The following ENTHD1 variants were observed in gnomAD, a reference collection of about 807,000 sequenced individuals.
ENTHD1 encodes the protein ENTH domain-containing protein 1.
ENTHD1 carries 23 observed loss-of-function variants against 39.1 expected under a neutral mutation model. The observed-to-expected ratio is 0.59, with a 90% CI of 0.42 to 0.83. ENTHD1 has a LOEUF of 0.83. Ranked by LOEUF, ENTHD1 falls within the 40% of genes least tolerant of loss-of-function variation. ENTHD1 has a pLI of 0.00. For missense variants in ENTHD1, 624 were observed against 705.4 expected, an observed-to-expected ratio of 0.88 and a Z score of 1.31; for synonymous variants, 230 against 258.2, an observed-to-expected ratio of 0.89 and a Z score of 1.05.
At chr22:39,873,949 AAAAG>A (rs1340250766) in intron 2 of ENTHD1, among the ~76,000 whole-genome samples, 1 of 152,236 alleles carries the variant, frequency 6.6e-6, no homozygotes, top group African/African-American at 2.4e-5. Flanking sequence ...GGCAATTTAC[AAAAG>A]AAAGAGGTTT....
At chr22:39,889,467 A>G (rs576924105) in intron 1 of ENTHD1, among the ~76,000 whole-genome samples, 2 of 152,220 alleles carry the variant, frequency 1.3e-5, no homozygotes, top group Non-Finnish European at 2.9e-5. Flanking sequence ...CTGCCAAGAC[A>G]GTGTACCAAA....
chr22:39,888,282 T>C lies in ENTHD1; in HGVS notation c.-155-379A>G, dbSNP rs7285997. 1.9e-4 allele frequency among the ~76,000 whole-genome samples: 24 copies of C among 123,620 alleles called. 1 individual carries two copies. In the South Asian group the frequency reaches 2.2e-3, roughly 11 times the overall value. 81.1% of individuals were successfully genotyped at this position (123,620 alleles called of 152,430 possible). A position where few individuals can be genotyped will look rare whatever the true frequency, so the allele number is the denominator to read the frequency against. ...TTTCTTTTTTTTTTTTTTTTTTTTT[T>C]CCAAAGACAGGGTATTGCCCTGCTT... On this transcript the variant is annotated intron_variant, in intron 1 of 6. Coordinates refer to ENST00000325157, the MANE Select transcript of ENTHD1 (RefSeq NM_152512.4).
At chr22:39,781,069 T>C (rs1476650734) in intron 5 of ENTHD1, among the ~76,000 whole-genome samples, 1 of 151,134 alleles carries the variant, frequency 6.6e-6, no homozygotes, top group Non-Finnish European at 1.5e-5. Flanking sequence ...TAGAGGACTT[T>C]AATACCCTAT....
intron 5 of ENTHD1, among the ~76,000 whole-genome samples, chr22:39,798,946 G>T (rs2146612918): frequency 6.6e-6 from 1 of 152,286 alleles, no homozygotes; most frequent in East Asian, 1.9e-4. Flanking sequence ...CAGGCTGGGT[G>T]GGCTCATCCT....
At chr22:39,876,022 T>G in intron 2 of ENTHD1, 1 of 1,613,960 alleles carries the variant, frequency 6.2e-7, no homozygotes, top group Admixed American at 1.7e-5. Context: ...CACACTATGA[T>G]GCATCTGGCA....
intron 3 of ENTHD1, among the ~76,000 whole-genome samples, chr22:39,860,221 T>C (rs1050344799): frequency 3.3e-5 from 5 of 152,106 alleles, no homozygotes; most frequent in African/African-American, 1.2e-4. Flanking sequence ...AATTCAATAA[T>C]TATGTGTTTA....
chr22:39,761,131 G>C (rs1168175885), intron 6 of ENTHD1, among the ~76,000 whole-genome samples: 1 of 152,020 alleles, frequency 6.6e-6, no homozygotes, highest in African/African-American at 2.4e-5. Flanking sequence ...TTGTAGTATG[G>C]ATTCCCCGAT....
chr22:39,840,277 G>A (rs1340829504), intron 3 of ENTHD1, among the ~76,000 whole-genome samples: 2 of 152,204 alleles, frequency 1.3e-5, no homozygotes, highest in Non-Finnish European at 2.9e-5. Flanking sequence ...TCAAAGATGA[G>A]TGCTTCGATA....
rs1440480237 is a variant in ENTHD1, at chr22:39,861,823, A to G, written c.534T>C (p.Asp178=). The G allele has an allele frequency of 7.5e-6, 12 of 1,596,122 alleles. No individual in the cohort carries two copies. Among genetic ancestry groups the G allele is most frequent in the Non-Finnish European group, 1.0e-5 (12 of 1,168,556 alleles). Residue 178 remains aspartate (D), a synonymous_variant, in exon 3 of 7, where the codon GAT becomes GAC. Coordinates refer to ENST00000325157, the MANE Select transcript of ENTHD1 (RefSeq NM_152512.4). ...LTACTSAPTP[D]ISASEKKYKL... ...TATACTTCTTCTCTGAAGCAGAAAT[A>G]TCCGGTGTGGGGGCAGAAGTGCACG...
intron 6 of ENTHD1, among the ~76,000 whole-genome samples, chr22:39,755,373 G>A (rs540968521): frequency 2.6e-5 from 4 of 152,274 alleles, no homozygotes; most frequent in South Asian, 4.1e-4. Flanking sequence ...GGGAACAACC[G>A]TGGTGAAGCA....
intron 5 of ENTHD1, among the ~76,000 whole-genome samples, chr22:39,801,900 T>A (rs971400378): frequency 3.3e-5 from 5 of 152,156 alleles, no homozygotes; most frequent in Non-Finnish European, 7.4e-5. Flanking sequence ...CATTTTTTTT[T>A]AATTTGTTTT....
intron 3 of ENTHD1, among the ~76,000 whole-genome samples, chr22:39,856,876 A>T (rs923956455): frequency 6.6e-6 from 1 of 151,736 alleles, no homozygotes. Context: ...AAAGAAAGAA[A>T]GAAAAGGAAA....
chr22:39,771,599 T>A (rs2065325421), intron 5 of ENTHD1, among the ~76,000 whole-genome samples: 1 of 152,142 alleles, frequency 6.6e-6, no homozygotes, highest in Non-Finnish European at 1.5e-5. Flanking sequence ...CAGAGAAAGA[T>A]GACCCATTCT....
chr22:39,861,843 T>G lies in ENTHD1; in HGVS notation c.514A>C (p.Thr172Pro). The G allele has an allele frequency of 6.2e-7, 1 of 1,604,820 alleles. No individual in the cohort carries two copies. The highest frequency in any genetic ancestry group is 8.5e-7 in the Non-Finnish European group (1 of 1,173,814). The stretch of plus-strand genomic sequence containing the variant: ...GAAATATCCGGTGTGGGGGCAGAAG[T>G]GCACGCTGTCAGTGAGTTACTTGAA... ...LGSSNSLTAC[T>P]SAPTPDISAS... The change falls in exon 3 of 7, where the codon ACT becomes CCT. Residue 172 changes from threonine (T) to proline (P), a missense_variant. Thr to Pro is a conservative substitution (Grantham distance 38). Transcript: ENST00000325157.
chr22:39,822,402 T>A (rs2065790417), intron 4 of ENTHD1, among the ~76,000 whole-genome samples: 1 of 152,188 alleles, frequency 6.6e-6, no homozygotes, highest in African/African-American at 2.4e-5. Context: ...CACTATTCTA[T>A]CATATCACCA....
At chr22:39,804,709 C>T (rs1165890835) in intron 5 of ENTHD1, among the ~76,000 whole-genome samples, 5 of 152,308 alleles carry the variant, frequency 3.3e-5, no homozygotes, top group Non-Finnish European at 7.3e-5. Context: ...CTCCCCACAA[C>T]TCCACATGTC....
chr22:39,863,337 C>T (rs970081979), intron 2 of ENTHD1, among the ~76,000 whole-genome samples: 3 of 152,184 alleles, frequency 2.0e-5, no homozygotes, highest in African/African-American at 7.2e-5. Context: ...TCTGACGTAA[C>T]ATCCTATCAA....
rs879290501 is a variant in ENTHD1, at chr22:39,756,314, T to TCC, written c.1219+8908_1219+8909insGG. Among the ~76,000 whole-genome samples, 17 of 144,286 alleles carry TCC rather than the reference T, an allele frequency of 1.2e-4. No homozygotes were observed. The East Asian group carries it at 3.2e-3, about 27-fold the overall frequency. The allele number at this position is 144,286 out of a possible 152,430, so 94.7% of individuals were successfully genotyped here. A position where few individuals can be genotyped will look rare whatever the true frequency, so the allele number is the denominator to read the frequency against. ...CTCTCTCTCTCTCTCTCTCTCTCTC[T>TCC]CTCACACACACACACACACACACAC... On this transcript the variant is annotated intron_variant, in intron 6 of 6. Transcript: ENST00000325157.
At chr22:39,800,622 T>C (rs896835209) in intron 5 of ENTHD1, among the ~76,000 whole-genome samples, 1 of 152,210 alleles carries the variant, frequency 6.6e-6, no homozygotes, top group African/African-American at 2.4e-5. Flanking sequence ...AGTTTTCTGA[T>C]TTGTTACTGA....
Sources: allele counts gnomAD v4.1 joint callset (sites outside exome capture counted in the v4.1 genomes callset), GRCh38; gene constraint gnomAD v4.1.1; transcripts MANE v1.5; gene names NCBI Gene and HGNC (gene_info 2026-07-23, HGNC 2026-07-21).